Variants in SUPT6H observed in about 807,000 individuals in gnomAD.
The protein encoded by SUPT6H is transcription elongation factor SPT6.
A neutral mutation model predicts 222.3 loss-of-function variants in SUPT6H; 11 were observed. The ratio of observed to expected loss-of-function variants is 0.05; its 90% CI spans 0.03 to 0.08. The LOEUF (loss-of-function observed/expected upper bound fraction) is 0.08, where lower values mean the gene tolerates loss of function less well. SUPT6H is among the 10% of genes least tolerant of loss of function. The pLI, the probability that SUPT6H is intolerant of heterozygous loss-of-function variation, is 1.00. For synonymous variants in SUPT6H, 762 were observed against 801.2 expected, an observed-to-expected ratio of 0.95 and a Z score of 0.83; for missense variants, 1,422 against 2,216.0, an observed-to-expected ratio of 0.64 and a Z score of 7.19.
intron 1 of SUPT6H, among the ~76,000 whole-genome samples, chr17:28,667,507 A>G (rs1407023422): frequency 6.9e-6 from 1 of 145,578 alleles, no homozygotes. Flanking sequence ...ATGTGTATAT[A>G]TATATAAATA....
rs372236446 is a variant in SUPT6H, at chr17:28,695,354, G to A, written c.3777G>A (p.Val1259=). The change falls in exon 29 of 37, where the codon GTG becomes GTA. Residue 1259 remains valine (V), a splice_region_variant and synonymous_variant. Transcript: ENST00000314616. ...VVKRPEERVK[V]GMTVHCRIMK... Reference sequence around the variant, plus strand: ...GCTCAAATGTTCTGTGGATCTAGGTGGGAATGACTGTTCACTGCCGCATCA... The same window carrying A: ...GCTCAAATGTTCTGTGGATCTAGGTAGGAATGACTGTTCACTGCCGCATCA... 1 of 1,613,028 alleles carries A rather than the reference G, an allele frequency of 6.2e-7. No individual in the cohort carries two copies. Among genetic ancestry groups the A allele is most frequent in the African/African-American group, 1.3e-5 (1 of 74,852 alleles).
At chr17:28,684,554 G>A (rs201313016) in intron 17 of SUPT6H, 32 bp from the exon 18 acceptor site, 216 of 1,613,060 alleles carry the variant, frequency 1.3e-4, no homozygotes, top group Non-Finnish European at 1.7e-4. Context: ...ATGTCATCAT[G>A]TATGTAATAC....
At chr17:28,666,222 A>G (rs917485993) in intron 1 of SUPT6H, among the ~76,000 whole-genome samples, 45 of 152,242 alleles carry the variant, frequency 3.0e-4, no homozygotes, top group African/African-American at 9.6e-4. Context: ...GTCTTATTAC[A>G]GGATCCCATG....
intron 13 of SUPT6H, chr17:28,682,240 C>T: frequency 4.7e-6 from 2 of 424,030 alleles, no homozygotes; most frequent in South Asian, 7.1e-5. Flanking sequence ...CTGTCTGTTT[C>T]TTCTGCCTTA....
intron 26 of SUPT6H, 96 bp downstream of exon 26, chr17:28,690,325 G>T: frequency 6.7e-7 from 1 of 1,481,806 alleles, no homozygotes; most frequent in Non-Finnish European, 9.2e-7. Flanking sequence ...AGGCAGGTTT[G>T]TGTTGTACAT....
chr17:28,682,914 T>G, intron 14 of SUPT6H, 28 bp from the exon 15 acceptor site: 5 of 1,612,564 alleles, frequency 3.1e-6, no homozygotes, highest in Non-Finnish European at 4.2e-6. Context: ...AACACCCTGG[T>G]CCTGTAGCTG....
intron 27 of SUPT6H, chr17:28,691,755 CAGG>C (rs2031656372): frequency 6.6e-6 from 1 of 150,882 alleles, no homozygotes; most frequent in Non-Finnish European, 1.5e-5. Flanking sequence ...GAGGCTGAGA[CAGG>C]AGAATGGCGT....
chr17:28,666,812 C>T (rs1254418604), intron 1 of SUPT6H, among the ~76,000 whole-genome samples: 1 of 152,162 alleles, frequency 6.6e-6, no homozygotes, highest in Non-Finnish European at 1.5e-5. Context: ...CTGCCTCAGC[C>T]TCCCAAAGTG....
Position 28,675,006 on chromosome 17 carries a change from G to A in SUPT6H, c.382G>A (p.Glu128Lys), listed in dbSNP as rs1388196800. The A allele has an allele frequency of 2.5e-6, 4 of 1,613,968 alleles. No homozygotes were observed. Among genetic ancestry groups the A allele is most frequent in the Admixed American group, 3.3e-5 (2 of 59,996 alleles). Residue 128 changes from glutamate (E) to lysine (K), a missense_variant, in exon 5 of 37, where the codon GAG becomes AAG. This residue lies in a region of SUPT6H where 389 missense variants were observed against 544.6 expected (regional missense o/e 0.71). Coordinates refer to ENST00000314616, the MANE Select transcript of SUPT6H (RefSeq NM_003170.5). Reference sequence around the variant, plus strand: ...GCGTGTCAAAAAAATGTCAGATGACGAGGACGATGACGAGGAGGAATATGG... The same window carrying A: ...GCGTGTCAAAAAAATGTCAGATGACAAGGACGATGACGAGGAGGAATATGG... ...YRRVKKMSDD[E>K]DDDEEEYGKE...
At chr17:28,672,110 T>C (rs781090933) in intron 1 of SUPT6H, among the ~76,000 whole-genome samples, 12 of 152,236 alleles carry the variant, frequency 7.9e-5, no homozygotes, top group Admixed American at 1.3e-4. Context: ...TCATGAAGTA[T>C]TTGTGTGTTT....
intron 19 of SUPT6H, among the ~76,000 whole-genome samples, chr17:28,685,546 G>T (rs1254430311): frequency 1.3e-5 from 2 of 151,466 alleles, no homozygotes; most frequent in Non-Finnish European, 2.9e-5. Flanking sequence ...CTGGAGCGCA[G>T]TGGCAAGAAC....
At chr17:28,677,956 A>G in intron 8 of SUPT6H, 120 bp from the exon 9 acceptor site, 1 of 1,301,240 alleles carries the variant, frequency 7.7e-7, no homozygotes, top group South Asian at 1.3e-5. Context: ...AAGTGTGTGT[A>G]TATGAGAAAA....
rs1285246992 is a variant in SUPT6H at position 28,674,286 on chromosome 17, A to G, written c.113A>G (p.Glu38Gly). The G allele has an allele frequency of 6.4e-7, 1 of 1,565,454 alleles. No individual in the cohort carries two copies. Among genetic ancestry groups the G allele is most frequent in the Admixed American group, 1.7e-5 (1 of 57,570 alleles). Residue 38 changes from glutamate (E) to glycine (G), a missense_variant, in exon 3 of 37, where the codon GAG becomes GGG. Physicochemically the swap from Glu to Gly is moderately conservative, Grantham distance 98. This residue lies in a region of SUPT6H where 89 missense variants were observed against 118.9 expected (regional missense o/e 0.75). Transcript: ENST00000314616. ...CTCAAACATGCATGTCTTCCAGATG[A>G]GGAGGAGGAGGAGGAGAACCTAGAT... Reference protein sequence around the residue: ...KKFVEEEDDDEEEEEENLDDQ... With the variant: ...KKFVEEEDDDGEEEEENLDDQ...
intron 29 of SUPT6H, among the ~76,000 whole-genome samples, chr17:28,696,523 A>G (rs1020350455): frequency 1.4e-5 from 2 of 147,432 alleles, no homozygotes; most frequent in Non-Finnish European, 3.0e-5. Context: ...AGGAGGGAGA[A>G]GTTGCAGTGA....
intron 7 of SUPT6H, among the ~76,000 whole-genome samples, chr17:28,677,310 G>T (rs965963647): frequency 6.6e-6 from 1 of 151,926 alleles, no homozygotes; most frequent in Non-Finnish European, 1.5e-5. Flanking sequence ...TTGAACCTGG[G>T]AGGCGGAGGT....
chr17:28,678,795 C>T (rs943235767), intron 10 of SUPT6H, 26 bp from the exon 11 acceptor site: 5 of 1,614,118 alleles, frequency 3.1e-6, no homozygotes, highest in African/African-American at 2.7e-5. Context: ...AACACAAGCT[C>T]TCATTCCTGC....
chr17:28,701,995 T>C lies in SUPT6H; in HGVS notation c.*370T>C, dbSNP rs1342292625. On this transcript the variant is annotated 3_prime_UTR_variant, in exon 37 of 37. Coordinates refer to ENST00000314616, the MANE Select transcript of SUPT6H (RefSeq NM_003170.5). ...CTGGGCTGTGACTGGGGCACCAAAC[T>C]CAGCACATGAGTCTCCCCTAGCTCT... 2 of 197,282 alleles carry C rather than the reference T, an allele frequency of 1.0e-5. No individual in the cohort carries two copies. The highest frequency in any genetic ancestry group is 1.2e-4 in the East Asian group (1 of 8,004). 12.2% of individuals were successfully genotyped at this position (197,282 alleles called of 1,614,324 possible). A position where few individuals can be genotyped will look rare whatever the true frequency, so the allele number is the denominator to read the frequency against.
chr17:28,690,996 G>T lies in SUPT6H; in HGVS notation c.3566G>T (p.Arg1189Leu), dbSNP rs1325940073. 2 of 1,613,964 alleles carry T rather than the reference G, an allele frequency of 1.2e-6. No homozygotes were observed. ...PQGESYDQAI[R>L]NDETGLWQCP... is the part of the protein sequence containing the mutation. ...GGTGAGAGCTATGACCAGGCGATCC[G>T]CAATGATGAGACAGGGCTGTGGCAG... Residue 1189 changes from arginine to leucine, a missense_variant, in exon 27 of 37, where the codon CGC becomes CTC. Coordinates refer to ENST00000314616, the MANE Select transcript of SUPT6H (RefSeq NM_003170.5).
At chr17:28,668,312 A>G (rs2030211120) in intron 1 of SUPT6H, among the ~76,000 whole-genome samples, 1 of 152,210 alleles carries the variant, frequency 6.6e-6, no homozygotes, top group African/African-American at 2.4e-5. Flanking sequence ...TATTAATAAT[A>G]ATCATACACA....
Sources: allele counts gnomAD v4.1 joint callset (sites outside exome capture counted in the v4.1 genomes callset), GRCh38; gene constraint gnomAD v4.1.1; regional missense constraint gnomAD v4.1.1; transcripts MANE v1.5; gene names NCBI Gene and HGNC (gene_info 2026-07-23, HGNC 2026-07-21).